Variants in DET1 observed in about 807,000 individuals in gnomAD.
DET1 encodes the protein DET1 partner of COP1 E3 ubiquitin ligase.
In DET1, 22 loss-of-function variants were observed where a neutral mutation model predicts 43.7. That is an observed-to-expected ratio of 0.50 (90% CI 0.36 to 0.72). The LOEUF (loss-of-function observed/expected upper bound fraction) is 0.72. DET1 is among the 30% of genes least tolerant of loss of function. The pLI, the probability that DET1 is intolerant of heterozygous loss-of-function variation, is 0.00. For missense variants in DET1, 713 were observed against 713.3 expected (o/e 1.00, Z 0.00); for synonymous variants, 315 against 266.2 (o/e 1.18, Z -1.79).
chr15:88,523,379 T>C (rs11857849), intron 3 of DET1, among the ~76,000 whole-genome samples: 105,467 of 151,714 alleles, frequency 0.7, 36,942 homozygotes, highest in South Asian at 0.8. Context: ...TTTAGAACCA[T>C]GTGTTCACAA....
chr15:88,527,857 T>C (rs2056706948), intron 2 of DET1, 71 bp from the exon 3 acceptor site: 6 of 1,215,802 alleles, frequency 4.9e-6, no homozygotes, highest in Non-Finnish European at 6.3e-6. Context: ...TTAGCACTTA[T>C]TACTTGGCTG....
chr15:88,533,777 C>T (rs1030054545), intron 1 of DET1, among the ~76,000 whole-genome samples: 2 of 138,458 alleles, frequency 1.4e-5, no homozygotes, highest in African/African-American at 5.3e-5. Flanking sequence ...ATCCCAGCTA[C>T]TTGGGAGGCT....
chr15:88,509,309 C>G (rs1441226339), downstream of DET1, among the ~76,000 whole-genome samples: 1 of 152,190 alleles, frequency 6.6e-6, no homozygotes, highest in Non-Finnish European at 1.5e-5. Flanking sequence ...AGCCACCAAG[C>G]CTGGCCTACT....
intron 1 of DET1, among the ~76,000 whole-genome samples, chr15:88,537,962 AT>A (rs1413829546): frequency 5.3e-5 from 8 of 152,184 alleles, no homozygotes; most frequent in Non-Finnish European, 1.0e-4. Flanking sequence ...TTTCACTTGC[AT>A]GCTTGTGTTT....
chr15:88,521,627 GT>G (rs2056492155), intron 3 of DET1, among the ~76,000 whole-genome samples: 2 of 152,058 alleles, frequency 1.3e-5, no homozygotes, highest in Non-Finnish European at 2.9e-5. Context: ...GACTTCACAG[GT>G]TTGAAAATGT....
chr15:88,522,563 C>T (rs1422190433), intron 3 of DET1, among the ~76,000 whole-genome samples: 1 of 130,726 alleles, frequency 7.6e-6, no homozygotes, highest in Non-Finnish European at 1.6e-5. Context: ...GGCTGCAGTG[C>T]AGTGGCGCAA....
downstream of DET1, among the ~76,000 whole-genome samples, chr15:88,508,823 TAA>T (rs796149793): frequency 8.3e-4 from 126 of 152,190 alleles, no homozygotes; most frequent in African/African-American, 2.9e-3. Context: ...TGAGCAGTAA[TAA>T]AAGAGAATAA....
Position 88,542,213 on chromosome 15 carries a change from A to T in DET1, c.-11+4327T>A, listed in dbSNP as rs535129772. On this transcript the variant is annotated intron_variant, in intron 1 of 4. Coordinates refer to ENST00000268148, the MANE Select transcript of DET1 (RefSeq NM_001144074.3). ...CGCATCTGAAGAGAGGCCAGAAAAC[A>T]CTTCCTTGCATTAACCGGTAGGCCT... Among the ~76,000 whole-genome samples, 3 of 152,238 alleles carry T rather than the reference A, an allele frequency of 2.0e-5. No homozygotes were observed. In the East Asian group the frequency reaches 5.8e-4, roughly 29 times the overall value.
Position 88,513,096 on chromosome 15 carries a change from G to T in DET1, c.1508C>A (p.Ala503Glu). The T allele has an allele frequency of 6.2e-7, 1 of 1,613,820 alleles. No individual in the cohort carries two copies. The highest frequency in any genetic ancestry group is 8.5e-7 in the Non-Finnish European group (1 of 1,179,792). The change falls in exon 5 of 5, where the codon GCG becomes GAG. Residue 503 changes from alanine (A) to glutamate (E), a missense_variant. Coordinates refer to ENST00000268148, the MANE Select transcript of DET1 (RefSeq NM_001144074.3). ...GTTGATGGGGCGGCCCAATAACCCC[G>T]CCTGGATCTCAAACTTGAGCAGGCC... ...DSGLLKFEIQAGLLGRPINHT... is the reference protein window; with the variant it reads ...DSGLLKFEIQEGLLGRPINHT...
chr15:88,529,867 C>A lies in DET1; in HGVS notation c.1083+756G>T, dbSNP rs190424485. ...CTTAATTTCAACATAGTTTTTCAAT[C>A]CCCAAATCTTAGCAGTTCTGTGCTC... On this transcript the variant is annotated intron_variant, in intron 2 of 4. Transcript: ENST00000268148. 4.6e-3 allele frequency among the ~76,000 whole-genome samples: 696 copies of A among 152,318 alleles called. 29 individuals carry two copies. The highest frequency in any genetic ancestry group is 0.04 in the Admixed American group (612 of 15,298).
At chr15:88,520,543 C>T (rs1488223444) in intron 3 of DET1, among the ~76,000 whole-genome samples, 1 of 152,206 alleles carries the variant, frequency 6.6e-6, no homozygotes, top group Non-Finnish European at 1.5e-5. Context: ...ATCTTCTCCC[C>T]TAAACCTGCT....
intron 2 of DET1, among the ~76,000 whole-genome samples, chr15:88,528,842 A>G (rs1265668080): frequency 6.6e-6 from 1 of 152,204 alleles, no homozygotes; most frequent in Non-Finnish European, 1.5e-5. Context: ...CTTATATTAC[A>G]TGGCTTTTGC....
In DET1 at chr15:88,512,613, CGAA is replaced by C. The variant is rs2056223334; in HGVS notation, c.*335_*337del. On this transcript the variant is annotated 3_prime_UTR_variant, in exon 5 of 5. Coordinates refer to ENST00000268148, the MANE Select transcript of DET1 (RefSeq NM_001144074.3). ...TGCTTTCAGATGCAAACCATAATGC[CGAA>C]GAAGTGACATGAAGGGGATAAAAGT... 9.6e-7 allele frequency: 1 copy of C among 1,042,662 alleles called. No individual in the cohort carries two copies. The highest frequency in any genetic ancestry group is 1.2e-6 in the Non-Finnish European group (1 of 867,358). 64.6% of individuals were successfully genotyped at this position (1,042,662 alleles called of 1,614,324 possible). A position where few individuals can be genotyped will look rare whatever the true frequency, so the allele number is the denominator to read the frequency against.
At position 88,527,694 on chromosome 15, in the gene DET1, G is replaced by A. The variant is rs767351579; in HGVS notation, c.1176C>T (p.Asn392=). 2 of 1,613,774 alleles carry A rather than the reference G, an allele frequency of 1.2e-6. No individual in the cohort carries two copies. The highest frequency in any genetic ancestry group is 1.7e-6 in the Non-Finnish European group (2 of 1,179,852). ...TSDELLELFE[N]FCDLFRNATL... ...TAGCATTACGAAAAAGGTCACAGAA[G>A]TTCTCAAAGAGCTCCAAAAGCTCAT... The change falls in exon 3 of 5, where the codon AAC becomes AAT. Residue 392 remains asparagine, a synonymous_variant. Transcript: ENST00000268148.
intron 3 of DET1, among the ~76,000 whole-genome samples, chr15:88,525,557 T>G (rs1321135222): frequency 6.6e-6 from 1 of 152,210 alleles, no homozygotes; most frequent in Non-Finnish European, 1.5e-5. Context: ...GGCCTTGGTG[T>G]TGTGGATATG....
chr15:88,544,390 G>C (rs1170639749), intron 1 of DET1, among the ~76,000 whole-genome samples: 2 of 152,166 alleles, frequency 1.3e-5, no homozygotes, highest in Non-Finnish European at 2.9e-5. Flanking sequence ...GTATGGGAGG[G>C]CGCCGCCTAT....
chr15:88,531,511 G>A lies in DET1; in HGVS notation c.195C>T (p.Phe65=). 1 of 1,614,004 alleles carries A rather than the reference G, an allele frequency of 6.2e-7. No individual in the cohort carries two copies. Among genetic ancestry groups the A allele is most frequent in the Non-Finnish European group, 8.5e-7 (1 of 1,179,900 alleles). ...CAATAAAGTAGCGTCCATCAGGTGA[G>A]AATTTACGCAAGAAACAAGGAGGCT... The part of the protein sequence containing the change: ...VEKPPCFLRK[F]SPDGRYFIAF... The change falls in exon 2 of 5, where the codon TTC becomes TTT. Residue 65 remains phenylalanine, a synonymous_variant. Transcript: ENST00000268148. This position sits in a 1 kb window ranked among gnomAD's most constrained non-coding sequence, Gnocchi z 6.2.
At chr15:88,529,616 G>T (rs1182102795) in intron 2 of DET1, among the ~76,000 whole-genome samples, 1 of 152,232 alleles carries the variant, frequency 6.6e-6, no homozygotes, top group Non-Finnish European at 1.5e-5. Flanking sequence ...ACGATACCCT[G>T]TACAGAATCT....
intron 3 of DET1, among the ~76,000 whole-genome samples, chr15:88,524,270 C>T (rs1430130405): frequency 1.3e-5 from 2 of 152,004 alleles, no homozygotes; most frequent in Admixed American, 1.3e-4. Context: ...TGAGGAGCCC[C>T]TCCGCCTGGC....
Sources: allele counts gnomAD v4.1 joint callset (sites outside exome capture counted in the v4.1 genomes callset), GRCh38; gene constraint gnomAD v4.1.1; non-coding constraint Gnocchi (gnomAD v3.1); transcripts MANE v1.5; gene names NCBI Gene and HGNC (gene_info 2026-07-23, HGNC 2026-07-21).